Variants in TTN observed in about 807,000 individuals in gnomAD.
TTN encodes the protein connectin.
In TTN, 1,525 loss-of-function variants were observed where a neutral mutation model predicts 3,223.0. The ratio of observed to expected loss-of-function variants is 0.47; its 90% CI spans 0.45 to 0.49. The LOEUF is 0.49. Among genes scored for constraint, TTN ranks in the 20% least tolerant of loss-of-function variants. TTN has a pLI of 0.00. For synonymous variants in TTN, 14,094 were observed against 15,161.0 expected, an observed-to-expected ratio of 0.93 and a Z score of 5.17; for missense variants, 40,786 against 43,424.0, an observed-to-expected ratio of 0.94 and a Z score of 5.40.
rs1553495003 is a variant in TTN, at chr2:178,534,184, T to C, written c.102431A>G (p.His34144Arg). 1 of 1,613,998 alleles carries C rather than the reference T, an allele frequency of 6.2e-7. No homozygotes were observed. Residue 34144 changes from histidine (H) to arginine (R), a missense_variant, in exon 358 of 363, where the codon CAT (histidine) becomes CGT (arginine). By Grantham distance (29) the His-to-Arg change is conservative (BLOSUM62 0). Coordinates refer to ENST00000589042, the MANE Select transcript of TTN (RefSeq NM_001267550.2). ...EIGPVSGQIM[H>R]AVGEEGGHVK... Reference sequence around the variant, plus strand: ...ATGTCCTCCTTCTTCACCAACTGCATGCATTATCTGCCCAGAAACTGGGCC... The same window carrying C: ...ATGTCCTCCTTCTTCACCAACTGCACGCATTATCTGCCCAGAAACTGGGCC...
rs1441268700 is a variant in TTN, at chr2:178,734,743, C to A, written c.15181G>T (p.Gly5061Cys). ...SYSCEAVNDV[G>C]SDSCSTEIVI... The stretch of plus-strand genomic sequence containing the variant: ...ATTTCAGTACTGCAGCTATCACTGC[C>A]GACGTCATTCACTGCTTCACATGAG... The change falls in exon 51 of 363, where the codon GGC becomes TGC. Residue 5061 changes from glycine (G) to cysteine (C), a missense_variant. Transcript: ENST00000589042. 1.9e-6 allele frequency: 3 copies of A among 1,612,996 alleles called. No individual in the cohort carries two copies. The highest frequency in any genetic ancestry group is 2.5e-6 in the Non-Finnish European group (3 of 1,179,204).
rs757799030 is a variant in TTN at position 178,621,616 on chromosome 2, T to C, written c.45208A>G (p.Ile15070Val). 6 of 1,612,528 alleles carry C rather than the reference T, an allele frequency of 3.7e-6. No homozygotes were observed. In the East Asian group the frequency reaches 1.3e-4, roughly 36 times the overall value. Residue 15070 changes from isoleucine to valine, a missense_variant, in exon 245 of 363, where the codon ATC (isoleucine) becomes GTC (valine). Physicochemically the swap from Ile to Val is conservative, Grantham distance 29. Coordinates refer to ENST00000589042, the MANE Select transcript of TTN (RefSeq NM_001267550.2). ...EVIWYKGDEE[I>V]IETGRYEILT... is the part of the protein sequence containing the mutation. Reference sequence around the variant, plus strand: ...ATTTCATATCTTCCTGTTTCAATGATCTCCTCATCCCCTTTATACCAAATC... The same window carrying C: ...ATTTCATATCTTCCTGTTTCAATGACCTCCTCATCCCCTTTATACCAAATC...
chr2:178,554,194 T>C lies in TTN; in HGVS notation c.88917A>G (p.Ile29639Met). Reference protein sequence around the residue: ...NAFVTPGPPGIPEVTKITKNS... With the variant: ...NAFVTPGPPGMPEVTKITKNS... ...TCTTGGTAATCTTTGTCACTTCTGG[T>C]ATGCCTGGTGGCCCAGGTGTAACTA... is the stretch of plus-strand genomic sequence containing the variant. Residue 29639 changes from isoleucine to methionine, a missense_variant, in exon 333 of 363, where the codon ATA becomes ATG. Coordinates refer to ENST00000589042, the MANE Select transcript of TTN (RefSeq NM_001267550.2). 1.9e-6 allele frequency: 3 copies of C among 1,604,878 alleles called. No individual in the cohort carries two copies. The highest frequency in any genetic ancestry group is 2.6e-6 in the Non-Finnish European group (3 of 1,176,242).
chr2:178,585,401 G>C (rs895197761), intron 308 of TTN, 54 bp from the exon 309 acceptor site: 2 of 1,518,640 alleles, frequency 1.3e-6, no homozygotes, highest in African/African-American at 2.8e-5. Context: ...AGTTTCTTCT[G>C]GTGGAGAGCT....
At position 178,613,213 on chromosome 2, in the gene TTN, T is replaced by A; in HGVS notation, c.49596A>T (p.Gly16532=). ...CAGTTGATTTGCTTGGTTTTCCAGG[T>A]CCAGCAAGATTTTCAGCCAACACAC... ...RFRVLAENLA[G]PGKPSKSTEP... Residue 16532 remains glycine, a synonymous_variant, in exon 264 of 363, where the codon GGA becomes GGT. Transcript: ENST00000589042. 1.2e-6 allele frequency: 2 copies of A among 1,611,714 alleles called. No homozygotes were observed. Among genetic ancestry groups the A allele is most frequent in the Non-Finnish European group, 1.7e-6 (2 of 1,178,882 alleles).
intron 16 of TTN, 105 bp downstream of exon 16, chr2:178,783,965 G>A (rs144753558): frequency 8.2e-6 from 13 of 1,580,418 alleles, no homozygotes; most frequent in African/African-American, 8.1e-5. Flanking sequence ...TATGGCAAAG[G>A]AGAAAGGCAA....
chr2:178,604,462 T>C (rs2054271786), intron 281 of TTN, among the ~76,000 whole-genome samples, 157 bp from the exon 282 acceptor site: 1 of 151,990 alleles, frequency 6.6e-6, no homozygotes, highest in Non-Finnish European at 1.5e-5. Context: ...GAAAGCTTTT[T>C]TTAAAATAAA....
rs754537684 is a variant in TTN, at chr2:178,591,285, C to T, written c.60440G>A (p.Gly20147Glu). 12 of 1,613,162 alleles carry T rather than the reference C, an allele frequency of 7.4e-6. No individual in the cohort carries two copies. In the South Asian group the frequency reaches 1.2e-4, roughly 16 times the overall value. The change falls in exon 304 of 363, where the codon GGG becomes GAG. Residue 20147 changes from glycine to glutamate, a missense_variant. Physicochemically the swap from Gly to Glu is moderately conservative, Grantham distance 98. Transcript: ENST00000589042. ...ATTGGAAACTGTGATTTGATATTCC[C>T]CAGTGTCTCTCCTTAAGCAGTTCTT... ...TIKNCLRRDT[G>E]EYQITVSNAA...
chr2:178,584,702 TGA>T lies in TTN; in HGVS notation c.64937_64938del (p.Leu21646HisfsTer15). On this transcript the variant is annotated frameshift_variant, in exon 310 of 363. Transcript: ENST00000589042. LOFTEE classifies it high-confidence loss of function. ...AENRFGISEP[L>X]TSPKMVAQFP... ...AACTGCGCAACCATCTTTGGAGATG[TGA>T]GAGGCTCTGAAATGCCAAATCGGTT... is the stretch of plus-strand genomic sequence containing the variant. 1 of 1,613,442 alleles carries T rather than the reference TGA, an allele frequency of 6.2e-7. No individual in the cohort carries two copies. The highest frequency in any genetic ancestry group is 8.5e-7 in the Non-Finnish European group (1 of 1,179,564).
rs771352402 is a variant in TTN at position 178,652,313 on chromosome 2, C to G, written c.39162G>C (p.Lys13054Asn). Residue 13054 changes from lysine to asparagine, a missense_variant, in exon 203 of 363, where the codon AAG becomes AAC. Coordinates refer to ENST00000589042, the MANE Select transcript of TTN (RefSeq NM_001267550.2). ...TTTTAGGAGGAGGCACTGGCACTTTCTTTTCAGGAACAACTTCTTTGGGAG... is the reference window on the plus strand; with the variant it reads ...TTTTAGGAGGAGGCACTGGCACTTTGTTTTCAGGAACAACTTCTTTGGGAG... ...PEAPKEVVPE[K>N]KVPVPPPKKP... 3 of 1,613,726 alleles carry G rather than the reference C, an allele frequency of 1.9e-6. No homozygotes were observed. The highest frequency in any genetic ancestry group is 2.2e-5 in the South Asian group (2 of 91,076).
rs369979598 is a variant in TTN at position 178,618,262 on chromosome 2, C to G, written c.47196G>C (p.Val15732=). 108 of 1,612,704 alleles carry G rather than the reference C, an allele frequency of 6.7e-5. No homozygotes were observed. Among genetic ancestry groups the G allele is most frequent in the Non-Finnish European group, 8.6e-5 (101 of 1,179,188 alleles). ...QKGGVEYLFR[V]SARNRVGTGE... is the part of the protein sequence containing the mutation. ...CAGTGCCAACTCTGTTTCTTGCACT[C>G]ACACGGAATAGGTACTCAACTCCTC... Residue 15732 remains valine (V), a synonymous_variant, in exon 252 of 363, where the codon GTG becomes GTC. Coordinates refer to ENST00000589042, the MANE Select transcript of TTN (RefSeq NM_001267550.2).
chr2:178,622,032 TCA>T (rs1559886562), intron 243 of TTN, 24 bp from the exon 244 acceptor site: 4 of 1,573,980 alleles, frequency 2.5e-6, no homozygotes, highest in Non-Finnish European at 2.6e-6. Context: ...AAATAGATTA[TCA>T]GTTTTCTTGT....
chr2:178,714,526 C>T lies in TTN; in HGVS notation c.26248G>A (p.Gly8750Ser). 1 of 1,613,022 alleles carries T rather than the reference C, an allele frequency of 6.2e-7. No homozygotes were observed. The change falls in exon 91 of 363, where the codon GGT (glycine) becomes AGT (serine). Residue 8750 changes from glycine (G) to serine (S), a missense_variant. Physicochemically the swap from Gly to Ser is moderately conservative, Grantham distance 56. Coordinates refer to ENST00000589042, the MANE Select transcript of TTN (RefSeq NM_001267550.2). ...KKLSDISTVV[G>S]KEVQLQTTIE... ...GTAGTCTGCAGCTGAACTTCTTTAC[C>T]AACGACAGTAGATATGTCACTGAGC...
Position 178,630,946 on chromosome 2 carries a change from A to G in TTN, c.44015-3T>C. The stretch of plus-strand genomic sequence containing the variant: ...TCGCACCAGTTTAATTTCCCGATCT[A>G]GAAAAGTGAAGGGCCAGCATGGGTC... On this transcript the variant is annotated splice_region_variant and splice_polypyrimidine_tract_variant and intron_variant, in intron 237 of 362. Transcript: ENST00000589042. 1 of 1,611,614 alleles carries G rather than the reference A, an allele frequency of 6.2e-7. No individual in the cohort carries two copies. Among genetic ancestry groups the G allele is most frequent in the Non-Finnish European group, 8.5e-7 (1 of 1,179,128 alleles).
At position 178,598,812 on chromosome 2, in the gene TTN, G is replaced by T. The variant is rs749403840; in HGVS notation, c.56898C>A (p.Ile18966=). 6.2e-7 allele frequency: 1 copy of T among 1,613,372 alleles called. No homozygotes were observed. The change falls in exon 291 of 363, where the codon ATC becomes ATA. Residue 18966 remains isoleucine (I), a synonymous_variant. Transcript: ENST00000589042. ...TTGCTGGACCCACGCCAGCAGCATT[G>T]ATTGCATATACCCGGAATTGATAGT... ...GSDYQFRVYA[I]NAAGVGPASL... is the part of the protein sequence containing the mutation.
rs72650034 is a variant in TTN at position 178,682,738 on chromosome 2, C to T, written c.33053G>A (p.Arg11018Gln). The T allele has an allele frequency of 8.0e-4, 1,297 of 1,612,752 alleles. 13 individuals carry two copies. Among genetic ancestry groups the T allele is most frequent in the Middle Eastern group, 2.0e-3 (12 of 6,054 alleles). ...EYDQYEEYEE[R>Q]EYERYEEHEE... ...ATGCTCTTCATATCGTTCATACTCC[C>T]GCTCCTCGTATTCTTCATATTGGTC... Residue 11018 changes from arginine (R) to glutamine (Q), a missense_variant, in exon 135 of 363, where the codon CGG becomes CAG. Physicochemically the swap from Arg to Gln is conservative, Grantham distance 43. Coordinates refer to ENST00000589042, the MANE Select transcript of TTN (RefSeq NM_001267550.2).
In TTN at chr2:178,688,178, C is replaced by T; in HGVS notation, c.32244G>A (p.Val10748=). Residue 10748 remains valine (V), a synonymous_variant, in exon 127 of 363, where the codon GTG becomes GTA. Transcript: ENST00000589042. ...EWSYSEEEEG[V]SISVYREEER... ...CTTCTTCTCTATAAACTGAAATGGA[C>T]ACACCTTCCTCCTCTTCTGAGTAAC... 2 of 1,612,970 alleles carry T rather than the reference C, an allele frequency of 1.2e-6. No individual in the cohort carries two copies. The highest frequency in any genetic ancestry group is 1.7e-6 in the Non-Finnish European group (2 of 1,179,756).
chr2:178,538,969 G>C lies in TTN; in HGVS notation c.98966C>G (p.Pro32989Arg). The C allele has an allele frequency of 6.2e-7, 1 of 1,608,724 alleles. No individual in the cohort carries two copies. The highest frequency in any genetic ancestry group is 8.5e-7 in the Non-Finnish European group (1 of 1,175,644). Residue 32989 changes from proline to arginine, a missense_variant, in exon 353 of 363, where the codon CCA becomes CGA. Transcript: ENST00000589042. ...GLSETSPASE[P>R]VVCKDPFDKP... ...ACCAAATGGATCTTTGCAAACAACT[G>C]GTTCAGAAGCAGGGCTGGTCTCACT...
chr2:178,640,612 G>C lies in TTN; in HGVS notation c.40652C>G (p.Pro13551Arg). 6.3e-7 allele frequency: 1 copy of C among 1,588,000 alleles called. No homozygotes were observed. Among genetic ancestry groups the C allele is most frequent in the Non-Finnish European group, 8.5e-7 (1 of 1,170,558 alleles). Reference sequence around the variant, plus strand: ...TACTTCAACCTCTTCAACAGGTTTTGGAGGTGGTGGTTCTGGTACTTTAAG... The same window carrying C: ...TACTTCAACCTCTTCAACAGGTTTTCGAGGTGGTGGTTCTGGTACTTTAAG... The part of the protein sequence containing the change: ...KKPAVPEPPP[P>R]KPVEEVEVPT... Residue 13551 changes from proline to arginine, a missense_variant, in exon 221 of 363, where the codon CCA becomes CGA. Transcript: ENST00000589042.
Sources: gnomAD v4.1 joint callset for allele counts (sites outside exome capture counted in the v4.1 genomes callset) on GRCh38, gnomAD v4.1.1 for gene constraint, MANE v1.5 for transcripts, NCBI Gene and HGNC (gene_info 2026-07-23, HGNC 2026-07-21) for gene names.